Variants in EYS observed in about 807,000 individuals in gnomAD.
EYS encodes the protein EGF-like photoreceptor maintenance factor, also known as protein eyes shut homolog.
Under a neutral mutation model 282.1 loss-of-function variants are expected in EYS, and 250 were observed. The observed-to-expected ratio is 0.89, with a 90% CI of 0.80 to 0.98. The LOEUF is 0.98. EYS is among the 50% of genes least tolerant of loss of function. The pLI, the probability that EYS is intolerant of heterozygous loss-of-function variation, is 0.00. For synonymous variants in EYS, 1,355 were observed against 1,282.9 expected (o/e 1.06, Z -1.20); for missense variants, 4,016 against 3,709.0 (o/e 1.08, Z -2.15).
At chr6:65,678,563 T>C (rs1379223955) in intron 1 of EYS, among the ~76,000 whole-genome samples, 1 of 151,934 alleles carries the variant, frequency 6.6e-6, no homozygotes, top group African/African-American at 2.4e-5. Flanking sequence ...TTTATGAATA[T>C]GACACAAAAA....
At chr6:65,447,362 TTATA>T (rs1168067868) in intron 5 of EYS, among the ~76,000 whole-genome samples, 1 of 112,440 alleles carries the variant, frequency 8.9e-6, no homozygotes, top group Non-Finnish European at 2.2e-5. Context: ...ATGTATATAG[TTATA>T]TATATAAATA....
intron 12 of EYS, among the ~76,000 whole-genome samples, chr6:65,074,087 T>C (rs1773977921): frequency 6.6e-6 from 1 of 152,074 alleles, no homozygotes; most frequent in African/African-American, 2.4e-5. Flanking sequence ...CTTATTAAGA[T>C]AGTATTTATT....
At chr6:63,789,327 AGTTATAAT>A in intron 37 of EYS, 103 bp from the exon 38 acceptor site, 2 of 1,129,430 alleles carry the variant, frequency 1.8e-6, no homozygotes, top group Non-Finnish European at 2.5e-6. Context: ...CAGTATGGTA[AGTTATAAT>A]ACATATTTAG....
intron 5 of EYS, among the ~76,000 whole-genome samples, chr6:65,413,843 G>A (rs1333204688): frequency 6.6e-6 from 1 of 151,884 alleles, no homozygotes; most frequent in Non-Finnish European, 1.5e-5. Flanking sequence ...GCGACAGAGG[G>A]AGACTTTGTC....
intron 2 of EYS, among the ~76,000 whole-genome samples, chr6:65,628,474 CCA>C (rs1210990126): frequency 6.6e-6 from 1 of 152,182 alleles, no homozygotes; most frequent in East Asian, 1.9e-4. Context: ...GGGTCCCCTT[CCA>C]CAGTGTGGAA....
intron 12 of EYS, among the ~76,000 whole-genome samples, chr6:65,189,763 T>C (rs1226657384): frequency 6.6e-6 from 1 of 151,736 alleles, no homozygotes; most frequent in Non-Finnish European, 1.5e-5. Flanking sequence ...AAGTGTCGAG[T>C]AGCCTCATCA....
chr6:64,179,332 G>A (rs2150310882), intron 31 of EYS, among the ~76,000 whole-genome samples: 1 of 152,106 alleles, frequency 6.6e-6, no homozygotes, highest in East Asian at 1.9e-4. Flanking sequence ...GACAGAGCAT[G>A]AGACTCAAGA....
At chr6:65,180,670 T>C (rs1371734658) in intron 12 of EYS, among the ~76,000 whole-genome samples, 2 of 152,176 alleles carry the variant, frequency 1.3e-5, no homozygotes, top group South Asian at 2.1e-4. Flanking sequence ...CCCATCAAGC[T>C]ACCAATGACT....
At chr6:63,938,211 G>A (rs1157574881) in intron 35 of EYS, among the ~76,000 whole-genome samples, 1 of 152,140 alleles carries the variant, frequency 6.6e-6, no homozygotes, top group Non-Finnish European at 1.5e-5. Flanking sequence ...CAGGAATAAC[G>A]CATATTTAGA....
intron 1 of EYS, among the ~76,000 whole-genome samples, chr6:65,647,818 C>T (rs900471666): frequency 2.6e-5 from 4 of 151,884 alleles, no homozygotes; most frequent in Non-Finnish European, 5.9e-5. Flanking sequence ...TCAAACAAAT[C>T]AGTGAGAAAC....
chr6:65,559,571 A>T (rs929676930), intron 2 of EYS, among the ~76,000 whole-genome samples: 2 of 152,140 alleles, frequency 1.3e-5, no homozygotes, highest in Non-Finnish European at 2.9e-5. Flanking sequence ...CTTAATAACC[A>T]AACCCAAACA....
chr6:64,354,592 C>T (rs1046395269), intron 29 of EYS, among the ~76,000 whole-genome samples: 1 of 151,424 alleles, frequency 6.6e-6, no homozygotes, highest in Non-Finnish European at 1.5e-5. Flanking sequence ...ATGTGGTATT[C>T]TATTTTTTCC....
chr6:65,317,825 C>CCTTCCTTTCTTTCTTTCTTTCTTT (rs1562092985), intron 11 of EYS, among the ~76,000 whole-genome samples: 9 of 81,278 alleles, frequency 1.1e-4, no homozygotes, highest in Non-Finnish European at 1.8e-4. Context: ...TTCCTTCCTT[C>CCTTCCTTTCTTTCTTTCTTTCTTT]CTTTCTTTCT....
intron 26 of EYS, among the ~76,000 whole-genome samples, chr6:64,440,448 C>CTTTT (rs1165584593): frequency 1.3e-5 from 2 of 151,924 alleles, no homozygotes; most frequent in East Asian, 3.9e-4. Context: ...ACTTTATAGA[C>CTTTT]ATAAAAGCAT....
At chr6:64,445,836 T>C (rs1775100701) in intron 26 of EYS, among the ~76,000 whole-genome samples, 1 of 152,214 alleles carries the variant, frequency 6.6e-6, no homozygotes, top group South Asian at 2.1e-4. Context: ...TGAAGCCCTC[T>C]GTTGGAGATG....
intron 29 of EYS, among the ~76,000 whole-genome samples, chr6:64,330,662 T>C (rs1268126630): frequency 6.6e-6 from 1 of 152,198 alleles, no homozygotes; most frequent in Non-Finnish European, 1.5e-5. Flanking sequence ...TGGCAGCCAC[T>C]GCCCTGTTAG....
chr6:65,521,653 G>T (rs1767377089), intron 2 of EYS, among the ~76,000 whole-genome samples: 1 of 152,008 alleles, frequency 6.6e-6, no homozygotes, highest in Non-Finnish European at 1.5e-5. Context: ...ATGGAATTAG[G>T]TCTCATTATT....
intron 5 of EYS, among the ~76,000 whole-genome samples, chr6:65,425,966 A>T (rs1767645395): frequency 6.6e-6 from 1 of 152,074 alleles, no homozygotes; most frequent in African/African-American, 2.4e-5. Flanking sequence ...TTAATAAGTC[A>T]AACAGAAGAA....
intron 31 of EYS, among the ~76,000 whole-genome samples, chr6:64,156,888 ATTAATTTAT>A (rs1363277237): frequency 1.5e-5 from 2 of 136,288 alleles, no homozygotes; most frequent in African/African-American, 7.4e-5. Flanking sequence ...TTAATTTTTA[ATTAATTTAT>A]TTTTTTATTA....
Sources: allele counts gnomAD v4.1 joint callset (sites outside exome capture counted in the v4.1 genomes callset), GRCh38; gene constraint gnomAD v4.1.1; transcripts MANE v1.5; gene names NCBI Gene and HGNC (gene_info 2026-07-23, HGNC 2026-07-21).